LRCH1: variants seen among roughly 807,000 people sequenced by gnomAD.
LRCH1 encodes the protein leucine rich repeats and calponin homology domain containing 1.
A neutral mutation model predicts 94.9 loss-of-function variants in LRCH1; 23 were observed. The ratio of observed to expected loss-of-function variants is 0.24; its 90% CI spans 0.17 to 0.34. The LOEUF is 0.34. Ranked by LOEUF, LRCH1 falls within the 10% of genes least tolerant of loss-of-function variation. The probability of loss-of-function intolerance (pLI) is 1.00; values close to 1 mark genes in which losing one functional copy is unlikely to be tolerated. For missense variants in LRCH1, 790 were observed against 945.9 expected (o/e 0.84, Z 2.16); for synonymous variants, 364 against 354.9 (o/e 1.03, Z -0.29).
At chr13:46,663,689 T>C (rs1245074349) in intron 2 of LRCH1, among the ~76,000 whole-genome samples, 3 of 152,168 alleles carry the variant, frequency 2.0e-5, no homozygotes, top group Non-Finnish European at 4.4e-5. Context: ...AGTAAAATAA[T>C]TGCTGTTTAC....
chr13:46,616,401 C>T (rs971550033), intron 1 of LRCH1, among the ~76,000 whole-genome samples: 3 of 152,204 alleles, frequency 2.0e-5, no homozygotes, highest in African/African-American at 7.2e-5. Context: ...TTCCTCTCCC[C>T]TTAACCTGAC....
chr13:46,717,066 TA>T (rs1332476820), intron 16 of LRCH1, among the ~76,000 whole-genome samples: 9 of 144,318 alleles, frequency 6.2e-5, no homozygotes, highest in Admixed American at 1.4e-4. Context: ...TTTTTTTTTT[TA>T]AAACTGGGAA....
At chr13:46,662,214 T>C (rs1187946028) in intron 2 of LRCH1, among the ~76,000 whole-genome samples, 6 of 152,126 alleles carry the variant, frequency 3.9e-5, no homozygotes, top group Non-Finnish European at 8.8e-5. Context: ...GAAACTAGGG[T>C]TGATTTCACC....
chr13:46,574,030 G>A (rs1442982472), intron 1 of LRCH1, among the ~76,000 whole-genome samples: 1 of 150,994 alleles, frequency 6.6e-6, no homozygotes, highest in African/African-American at 2.4e-5. Flanking sequence ...ATTTTTAGTA[G>A]AGACGGGGTT....
chr13:46,744,309 C>A lies in LRCH1; in HGVS notation c.*2461C>A. On this transcript the variant is annotated 3_prime_UTR_variant, in exon 20 of 20. Coordinates refer to ENST00000389797, the MANE Select transcript of LRCH1 (RefSeq NM_001164211.2). ...CAAGAAAGACCGTTTTTTCAGTACT[C>A]CCTTCCAATGTTAGATAAAAGGAGC... The A allele has an allele frequency of 7.1e-6, 7 of 985,294 alleles. No individual in the cohort carries two copies. Among genetic ancestry groups the A allele is most frequent in the Non-Finnish European group, 6.0e-6 (5 of 829,904 alleles). The allele number at this position is 985,294 out of a possible 1,614,324, so 61.0% of individuals were successfully genotyped here. A position where few individuals can be genotyped will look rare whatever the true frequency, so the allele number is the denominator to read the frequency against.
At position 46,584,122 on chromosome 13, in the gene LRCH1, G is replaced by C. The variant is rs140307918; in HGVS notation, c.307+30419G>C. ...AATTCTAGGCAATGGGATTTGTACT[G>C]AAAGACATAGGATAATTATGACACT... On this transcript the variant is annotated intron_variant, in intron 1 of 19. Transcript: ENST00000389797. Among the ~76,000 whole-genome samples, 567 of 152,228 alleles carry C rather than the reference G, an allele frequency of 3.7e-3. 3 individuals are homozygous for C. Among genetic ancestry groups the C allele is most frequent in the African/African-American group, 0.013 (541 of 41,542 alleles).
In LRCH1 at chr13:46,639,664, G is replaced by C. The variant is rs1238614435; in HGVS notation, c.308-10537G>C. On this transcript the variant is annotated intron_variant, in intron 1 of 19. Transcript: ENST00000389797. ...CTCTCATGCTATCTGCATGATTGCTGTTGGCCTGCTCGGCCAGGAAGATGG... is the reference window on the plus strand; with the variant it reads ...CTCTCATGCTATCTGCATGATTGCTCTTGGCCTGCTCGGCCAGGAAGATGG... Among the ~76,000 whole-genome samples the C allele has an allele frequency of 3.9e-5, 6 of 152,120 alleles. No individual in the cohort carries two copies. In the South Asian group the frequency reaches 1.2e-3, roughly 32 times the overall value.
At chr13:46,574,482 A>G (rs2050279115) in intron 1 of LRCH1, among the ~76,000 whole-genome samples, 1 of 152,232 alleles carries the variant, frequency 6.6e-6, no homozygotes, top group South Asian at 2.1e-4. Context: ...GCAAGGGAAG[A>G]ACGGGGACAC....
chr13:46,698,425 G>A (rs1435485595), intron 9 of LRCH1, among the ~76,000 whole-genome samples: 1 of 152,210 alleles, frequency 6.6e-6, no homozygotes, highest in Non-Finnish European at 1.5e-5. Flanking sequence ...CAAATAGCCA[G>A]TGTCACTACA....
At chr13:46,576,635 C>G (rs1451573366) in intron 1 of LRCH1, among the ~76,000 whole-genome samples, 1 of 152,158 alleles carries the variant, frequency 6.6e-6, no homozygotes, top group African/African-American at 2.4e-5. Context: ...CTCAACCTGG[C>G]CCAGCCAGGA....
intron 1 of LRCH1, among the ~76,000 whole-genome samples, chr13:46,622,189 T>G (rs907290231): frequency 8.6e-4 from 38 of 44,196 alleles, no homozygotes; most frequent in South Asian, 2.5e-3. Context: ...TTTCTATGGG[T>G]TTTTTTTTTT....
At chr13:46,676,526 A>G (rs996204829) in intron 3 of LRCH1, among the ~76,000 whole-genome samples, 4 of 152,192 alleles carry the variant, frequency 2.6e-5, no homozygotes, top group African/African-American at 9.7e-5. Context: ...GCACTTCCAC[A>G]AAAGGGCATG....
chr13:46,695,077 A>T, intron 9 of LRCH1, 60 bp downstream of exon 9: 2 of 1,583,986 alleles, frequency 1.3e-6, no homozygotes, highest in Non-Finnish European at 8.6e-7. Flanking sequence ...GGCACCGTAC[A>T]ATTTAAGTTG....
At position 46,742,468 on chromosome 13, in the gene LRCH1, G is replaced by T. The variant is rs7333614; in HGVS notation, c.*620G>T. 23 of 986,412 alleles carry T rather than the reference G, an allele frequency of 2.3e-5. No individual in the cohort carries two copies. The highest frequency in any genetic ancestry group is 6.1e-5 in the Admixed American group (1 of 16,476). 61.1% of individuals were successfully genotyped at this position (986,412 alleles called of 1,614,324 possible). A position where few individuals can be genotyped will look rare whatever the true frequency, so the allele number is the denominator to read the frequency against. On this transcript the variant is annotated 3_prime_UTR_variant, in exon 20 of 20. Transcript: ENST00000389797. ...TCCTAAAAAGGGAGCCGCGAAGGGC[G>T]CTGGGCAGTGTGGCCGCCAACTTCC... is the stretch of plus-strand genomic sequence containing the variant.
intron 10 of LRCH1, among the ~76,000 whole-genome samples, chr13:46,700,343 A>T (rs842399): frequency 0.78 from 118,996 of 152,082 alleles, 46,602 homozygotes; most frequent in African/African-American, 0.84. Flanking sequence ...CTGTGATCAA[A>T]TCTCTCTTGC....
At chr13:46,620,855 C>T (rs1807447) in intron 1 of LRCH1, among the ~76,000 whole-genome samples, 15,779 of 152,220 alleles carry the variant, frequency 0.1, 1,097 homozygotes, top group East Asian at 0.26. Context: ...CTTTATATCA[C>T]ATGCTGAAAT....
chr13:46,581,223 C>A (rs2050361330), intron 1 of LRCH1, among the ~76,000 whole-genome samples: 1 of 152,158 alleles, frequency 6.6e-6, no homozygotes, highest in Non-Finnish European at 1.5e-5. Flanking sequence ...CTGGATGAAG[C>A]CCCTGCAACA....
chr13:46,574,542 T>A (rs1164714146), intron 1 of LRCH1, among the ~76,000 whole-genome samples: 2 of 152,182 alleles, frequency 1.3e-5, no homozygotes, highest in African/African-American at 4.8e-5. Context: ...CTATGTTGAG[T>A]GGTGGACTGA....
chr13:46,730,880 A>C (rs1190162187), intron 18 of LRCH1, among the ~76,000 whole-genome samples: 1 of 152,242 alleles, frequency 6.6e-6, no homozygotes, highest in African/African-American at 2.4e-5. Flanking sequence ...GGACATCATG[A>C]ATTGTGTACC....
Sources: allele counts gnomAD v4.1 joint callset (sites outside exome capture counted in the v4.1 genomes callset), GRCh38; gene constraint gnomAD v4.1.1; transcripts MANE v1.5; gene names NCBI Gene and HGNC (gene_info 2026-07-23, HGNC 2026-07-21).